Variants in SDK2 observed in about 807,000 individuals in gnomAD.
The protein encoded by SDK2 is protein sidekick-2.
A neutral mutation model predicts 253.9 loss-of-function variants in SDK2; 105 were observed. The observed-to-expected ratio is 0.41, with a 90% CI of 0.35 to 0.49. The LOEUF is 0.49. Among genes scored for constraint, SDK2 ranks in the 20% least tolerant of loss-of-function variants. The pLI is 0.06. For missense variants in SDK2, 2,608 were observed against 3,003.0 expected, an observed-to-expected ratio of 0.87 and a Z score of 3.07; for synonymous variants, 1,249 against 1,234.9, an observed-to-expected ratio of 1.01 and a Z score of -0.24.
chr17:73,603,721 G>A (rs9915026), intron 1 of SDK2, among the ~76,000 whole-genome samples: 20,081 of 152,248 alleles, frequency 0.13, 1,851 homozygotes, highest in African/African-American at 0.27. Context: ...CTTTAAAGAC[G>A]AAACCAAGGC....
chr17:73,401,286 C>A, intron 20 of SDK2, 75 bp from the exon 21 acceptor site: 1 of 1,333,002 alleles, frequency 7.5e-7, no homozygotes, highest in Non-Finnish European at 1.0e-6. Context: ...CCACTTCTCA[C>A]TTCTCCACTA....
chr17:73,390,700 T>C (rs1473488638), intron 28 of SDK2, among the ~76,000 whole-genome samples: 1 of 152,154 alleles, frequency 6.6e-6, no homozygotes, highest in South Asian at 2.1e-4. Flanking sequence ...GGAGAGGCAC[T>C]CTATGCACAG....
chr17:73,532,715 G>C (rs1377858740), intron 1 of SDK2, among the ~76,000 whole-genome samples: 2 of 152,034 alleles, frequency 1.3e-5, no homozygotes, highest in East Asian at 3.9e-4. Flanking sequence ...CCAAGGAAAC[G>C]GGGGGGCTGG....
chr17:73,392,862 C>G (rs1457978525), intron 27 of SDK2, among the ~76,000 whole-genome samples: 1 of 152,140 alleles, frequency 6.6e-6, no homozygotes, highest in Non-Finnish European at 1.5e-5. Flanking sequence ...TGGTGACATT[C>G]TTTTGCAAAC....
intron 2 of SDK2, among the ~76,000 whole-genome samples, chr17:73,500,444 C>T (rs369097996): frequency 0.021 from 2,641 of 125,038 alleles, 78 homozygotes; most frequent in African/African-American, 0.072. Flanking sequence ...ATCCATCCTC[C>T]CTCCATCTCC....
In SDK2 at chr17:73,447,305, C is replaced by T. The variant is rs1010590637; in HGVS notation, c.613+310G>A. On this transcript the variant is annotated intron_variant, in intron 5 of 44. Transcript: ENST00000392650. This position sits in a 1 kb window ranked among gnomAD's most constrained non-coding sequence, Gnocchi z 4.0. Reference sequence around the variant, plus strand: ...TGGCTGCAACTCACACATGCACACGCTCTTCCTCTGCCCCACCCCTCCCTG... The same window carrying T: ...TGGCTGCAACTCACACATGCACACGTTCTTCCTCTGCCCCACCCCTCCCTG... Among the ~76,000 whole-genome samples the T allele has an allele frequency of 1.3e-5, 2 of 152,062 alleles. No homozygotes were observed. The highest frequency in any genetic ancestry group is 4.8e-5 in the African/African-American group (2 of 41,396).
rs1485863401 is a variant in SDK2, at chr17:73,361,765, T to C, written c.5386A>G (p.Thr1796Ala). The C allele has an allele frequency of 6.2e-7, 1 of 1,613,380 alleles. No individual in the cohort carries two copies. Among genetic ancestry groups the C allele is most frequent in the Admixed American group, 1.7e-5 (1 of 59,980 alleles). ...LKVKDLAEGV[T>A]YRFRIRAKTF... ...TTGGCTCTGATGCGGAACCTGTAGGTCACCCCCTCCGCCAGGTCCTTCACC... is the reference window on the plus strand; with the variant it reads ...TTGGCTCTGATGCGGAACCTGTAGGCCACCCCCTCCGCCAGGTCCTTCACC... The change falls in exon 39 of 45, where the codon ACC (threonine) becomes GCC (alanine). Residue 1796 changes from threonine to alanine, a missense_variant. Coordinates refer to ENST00000392650, the MANE Select transcript of SDK2 (RefSeq NM_001144952.2). The surrounding 1 kb of genome is among the most constrained non-coding windows in gnomAD (Gnocchi z 4.1).
intron 1 of SDK2, 55 bp from the exon 2 acceptor site, chr17:73,507,652 T>C: frequency 6.6e-7 from 1 of 1,524,170 alleles, no homozygotes; most frequent in Non-Finnish European, 8.8e-7. Context: ...CTATGTGACC[T>C]GGTGCGTTTA....
chr17:73,456,088 G>A lies in SDK2; in HGVS notation c.332-35C>T, dbSNP rs183488180. On this transcript the variant is annotated intron_variant, in intron 3 of 44. Coordinates refer to ENST00000392650, the MANE Select transcript of SDK2 (RefSeq NM_001144952.2). ...GGACAACGGCAGTAGGATCAGGGGC[G>A]GGAGGTCAGCCTCAGGGACTGCCCA... 1.0e-4 allele frequency: 151 copies of A among 1,449,654 alleles called. No homozygotes were observed. The Admixed American group carries it at 1.3e-3, about 12-fold the overall frequency. The allele number at this position is 1,449,654 out of a possible 1,614,324, so 89.8% of individuals were successfully genotyped here.
chr17:73,503,801 C>A (rs2063909536), intron 2 of SDK2, among the ~76,000 whole-genome samples: 1 of 152,222 alleles, frequency 6.6e-6, no homozygotes, highest in African/African-American at 2.4e-5. Flanking sequence ...CCCACCACGA[C>A]TGGTCAGGGA....
chr17:73,552,565 G>A (rs1234483434), intron 1 of SDK2, among the ~76,000 whole-genome samples: 2 of 152,166 alleles, frequency 1.3e-5, no homozygotes, highest in African/African-American at 2.4e-5. Flanking sequence ...TACCCATCAT[G>A]AGCCACTTAG....
At chr17:73,371,662 A>T (rs1252069320) in intron 36 of SDK2, among the ~76,000 whole-genome samples, 1 of 152,126 alleles carries the variant, frequency 6.6e-6, no homozygotes, top group East Asian at 1.9e-4. Context: ...GACAACTGGA[A>T]GAAAATGTGA....
rs191867433 is a variant in SDK2, at chr17:73,545,557, G to A, written c.65-37960C>T. ...CCTGCCGCAAGCAGGCAAAGGGACCGGAAACAGAGGAGTCCCCATCCCCAC... is the reference window on the plus strand; with the variant it reads ...CCTGCCGCAAGCAGGCAAAGGGACCAGAAACAGAGGAGTCCCCATCCCCAC... On this transcript the variant is annotated intron_variant, in intron 1 of 44. Transcript: ENST00000392650. 2.0e-3 allele frequency among the ~76,000 whole-genome samples: 304 copies of A among 152,316 alleles called. 4 individuals are homozygous for A. Among genetic ancestry groups the A allele is most frequent in the African/African-American group, 6.1e-3 (255 of 41,582 alleles).
At chr17:73,527,682 T>C (rs573910003) in intron 1 of SDK2, among the ~76,000 whole-genome samples, 2 of 152,304 alleles carry the variant, frequency 1.3e-5, no homozygotes, top group East Asian at 3.9e-4. Context: ...CTCCTGGCAG[T>C]GCAGAGGAGC....
intron 2 of SDK2, among the ~76,000 whole-genome samples, chr17:73,487,877 T>C (rs1300621522): frequency 6.6e-6 from 1 of 152,180 alleles, no homozygotes; most frequent in Non-Finnish European, 1.5e-5. Flanking sequence ...TCACAGTCTT[T>C]AACAACCTCG....
chr17:73,355,296 G>C (rs1232749168), intron 40 of SDK2, among the ~76,000 whole-genome samples: 3 of 146,688 alleles, frequency 2.0e-5, no homozygotes, highest in Non-Finnish European at 4.5e-5. Context: ...TCCTACCTCA[G>C]CCTCTTGAGT....
At chr17:73,355,175 T>TATATATATATATATATATATATATATATA (rs1555750470) in intron 40 of SDK2, among the ~76,000 whole-genome samples, 13 of 15,634 alleles carry the variant, frequency 8.3e-4, no homozygotes, top group East Asian at 1.4e-3. Context: ...TATATATATA[T>TATATATATATATATATATATATATATATA]TTTTTTTTTT....
In SDK2 at chr17:73,419,193, T is replaced by C. The variant is rs763895602; in HGVS notation, c.2159A>G (p.Asn720Ser). Residue 720 changes from asparagine to serine, a missense_variant, in exon 16 of 45, where the codon AAT becomes AGT. This residue lies in a region of SDK2 where 1,505 missense variants were observed against 1,859.1 expected (regional missense o/e 0.81). Transcript: ENST00000392650. ...GATGATGTAACCCTTGAGAATTCCA[T>C]TCTGGTGGCTCTCAGGAGGCGGCTG... The part of the protein sequence containing the change: ...QWQPPPESHQ[N>S]GILKGYIIRY... 1 of 1,612,408 alleles carries C rather than the reference T, an allele frequency of 6.2e-7. No homozygotes were observed. The highest frequency in any genetic ancestry group is 2.2e-5 in the East Asian group (1 of 44,866).
chr17:73,483,618 T>C (rs1282276143), intron 2 of SDK2, among the ~76,000 whole-genome samples: 1 of 136,418 alleles, frequency 7.3e-6, no homozygotes, highest in Non-Finnish European at 1.5e-5. Context: ...TATATATGTA[T>C]ATATATGTAT....
Sources: allele counts gnomAD v4.1 joint callset (sites outside exome capture counted in the v4.1 genomes callset), GRCh38; gene constraint gnomAD v4.1.1; regional missense constraint gnomAD v4.1.1; non-coding constraint Gnocchi (gnomAD v3.1); transcripts MANE v1.5; gene names NCBI Gene and HGNC (gene_info 2026-07-23, HGNC 2026-07-21).